TSBP1: variants seen among roughly 807,000 people sequenced by gnomAD.
The protein encoded by TSBP1 is testis-expressed basic protein 1.
In TSBP1, 56 loss-of-function variants were observed where a neutral mutation model predicts 68.8. The observed-to-expected ratio is 0.81, with a 90% CI of 0.66 to 1.02. The LOEUF is 1.02. Among genes scored for constraint, TSBP1 ranks in the 50% least tolerant of loss-of-function variants. TSBP1 has a pLI of 0.00. For missense variants in TSBP1, 502 were observed against 641.2 expected (o/e 0.78, Z 2.34); for synonymous variants, 171 against 208.7 (o/e 0.82, Z 1.56).
intron 8 of TSBP1, chr6:32,350,082 T>C (rs761189): frequency 0.39 from 242,368 of 629,264 alleles, 49,304 homozygotes; most frequent in African/African-American, 0.55. Flanking sequence ...CTTTCATTGG[T>C]GATTCTGCTG....
rs1770589990 is a variant in TSBP1, at chr6:32,343,349, C to T, written c.350-3711G>A. 1.3e-6 allele frequency: 1 copy of T among 748,874 alleles called. No individual in the cohort carries two copies. Among genetic ancestry groups the T allele is most frequent in the East Asian group, 3.3e-5 (1 of 30,070 alleles). 46.4% of individuals were successfully genotyped at this position (748,874 alleles called of 1,614,324 possible). On this transcript the variant is annotated intron_variant, in intron 9 of 22. Transcript: ENST00000612031. The surrounding 1 kb of genome is among the most constrained non-coding windows in gnomAD (Gnocchi z 4.3). ...TCTTCCCAGAAATAGTGTCCTCCCT[C>T]AGGTTATTAGACTTTCCATTCCCCT... is the stretch of plus-strand genomic sequence containing the variant.
chr6:32,353,349 C>T (rs1771915893), intron 8 of TSBP1, among the ~76,000 whole-genome samples: 1 of 151,754 alleles, frequency 6.6e-6, no homozygotes, highest in Admixed American at 6.6e-5. Context: ...ACATCCGAAA[C>T]AAAAAACAAG....
Position 32,325,198 on chromosome 6 carries a change from GTC to G in TSBP1, c.515-1586_515-1585del, listed in dbSNP as rs1768089135. 1 of 605,794 alleles carries G rather than the reference GTC, an allele frequency of 1.7e-6. No homozygotes were observed. Among genetic ancestry groups the G allele is most frequent in the Non-Finnish European group, 2.9e-6 (1 of 345,034 alleles). The allele number at this position is 605,794 out of a possible 1,614,324, so 37.5% of individuals were successfully genotyped here. A position where few individuals can be genotyped will look rare whatever the true frequency, so the allele number is the denominator to read the frequency against. On this transcript the variant is annotated intron_variant, in intron 16 of 22. Coordinates refer to ENST00000612031, the Ensembl canonical transcript of TSBP1. This position sits in a 1 kb window ranked among gnomAD's most constrained non-coding sequence, Gnocchi z 4.4. ...ATGCCATGGAAGAAGCATCATTAAA[GTC>G]TCTCTTCTCCTGGCCGTCTTATCTA...
At chr6:32,358,080 G>T (rs1317249538) in intron 6 of TSBP1, among the ~76,000 whole-genome samples, 1 of 152,158 alleles carries the variant, frequency 6.6e-6, no homozygotes, top group Non-Finnish European at 1.5e-5. Flanking sequence ...TGACAGGGTT[G>T]TTTGTAGATA....
chr6:32,324,277 A>G (rs1368025254), intron 16 of TSBP1: 1 of 290,748 alleles, frequency 3.4e-6, no homozygotes, highest in Non-Finnish European at 6.7e-6. Context: ...GAGACCAGAT[A>G]TGGCAGGAGG....
intron 21 of TSBP1, among the ~76,000 whole-genome samples, chr6:32,300,337 T>A (rs1429086775): frequency 1.3e-5 from 2 of 152,238 alleles, no homozygotes; most frequent in East Asian, 3.8e-4. Context: ...CTGACACATA[T>A]TCTTTTTGTC....
chr6:32,323,455 C>T, intron 17 of TSBP1, 136 bp downstream of exon 18: 1 of 798,720 alleles, frequency 1.3e-6, no homozygotes, highest in Non-Finnish European at 2.2e-6. Flanking sequence ...GAGCAGAAGG[C>T]AGAGGAAACT....
chr6:32,334,374 T>C (rs1769404130), intron 14 of TSBP1, among the ~76,000 whole-genome samples: 1 of 152,194 alleles, frequency 6.6e-6, no homozygotes, highest in Admixed American at 6.5e-5. Flanking sequence ...TTTACTACCC[T>C]TTAATCTCAA....
intron 9 of TSBP1, among the ~76,000 whole-genome samples, chr6:32,346,851 T>G (rs2127623281): frequency 7.6e-6 from 1 of 130,992 alleles, no homozygotes; most frequent in African/African-American, 2.5e-5. Flanking sequence ...TTTAAAAAAA[T>G]ACTGTATCTC....
intron 4 of TSBP1, 35 bp from the exon 5 acceptor site, chr6:32,366,337 C>T (rs775132835): frequency 6.4e-7 from 1 of 1,563,816 alleles, no homozygotes; most frequent in Admixed American, 1.7e-5. Flanking sequence ...TGAGATTTTA[C>T]TTCAACAAGT....
At chr6:32,370,119 T>A (rs1464071389) in intron 1 of TSBP1, 136 bp from the exon 2 acceptor site, 2 of 653,926 alleles carry the variant, frequency 3.1e-6, no homozygotes, top group Non-Finnish European at 5.5e-6. Context: ...TCCTTTATTC[T>A]TTTATTTGCC....
chr6:32,339,311 T>C (rs1770051471), intron 10 of TSBP1: 2 of 537,414 alleles, frequency 3.7e-6, no homozygotes, highest in East Asian at 6.1e-5. Flanking sequence ...GAATTTCCAC[T>C]TTGTTAAATG....
intron 9 of TSBP1, among the ~76,000 whole-genome samples, chr6:32,342,266 C>T (rs1770464770): frequency 6.6e-6 from 1 of 151,644 alleles, no homozygotes; most frequent in African/African-American, 2.4e-5. Flanking sequence ...CAGGTTCAAG[C>T]AATTCTCCTG....
chr6:32,369,799 T>C (rs1774184995), intron 2 of TSBP1, 98 bp downstream of exon 2: 3 of 820,918 alleles, frequency 3.7e-6, no homozygotes, highest in Non-Finnish European at 4.4e-6. Context: ...GCAAAGTCTC[T>C]AGCTGTTTGA....
intron 16 of TSBP1, among the ~76,000 whole-genome samples, chr6:32,328,045 C>T (rs1186333449): frequency 1.3e-5 from 2 of 151,842 alleles, no homozygotes; most frequent in Admixed American, 6.6e-5. Context: ...ACTTCGTGAT[C>T]TGCCCACCTT....
At chr6:32,318,469 C>G (rs1767214222) in intron 18 of TSBP1, among the ~76,000 whole-genome samples, 1 of 151,978 alleles carries the variant, frequency 6.6e-6, no homozygotes, top group African/African-American at 2.4e-5. Flanking sequence ...ATAAAGAAAG[C>G]AAGTTGATAC....
chr6:32,323,088 C>G lies in TSBP1; in HGVS notation c.559+29G>C, dbSNP rs755480226. 4 of 1,546,650 alleles carry G rather than the reference C, an allele frequency of 2.6e-6. 1 individual carries two copies. The South Asian group carries it at 4.6e-5, about 18-fold the overall frequency. The stretch of plus-strand genomic sequence containing the variant: ...TGAAATGAAGGGGACCATAGAGAAC[C>G]AAAGAAGAAAAAGAGATGTTATACT... On this transcript the variant is annotated intron_variant, in intron 18 of 22. Coordinates refer to ENST00000612031, the Ensembl canonical transcript of TSBP1.
At chr6:32,323,855 C>T in intron 16 of TSBP1, 2 of 548,026 alleles carry the variant, frequency 3.6e-6, no homozygotes, top group African/African-American at 1.9e-5. Flanking sequence ...GCCTGGAAAT[C>T]TTAGCTGTAC....
At chr6:32,363,701 TATTC>T (rs1773328712) in intron 6 of TSBP1, among the ~76,000 whole-genome samples, 1 of 152,026 alleles carries the variant, frequency 6.6e-6, no homozygotes, top group Non-Finnish European at 1.5e-5. Context: ...AAAAATTGTA[TATTC>T]ATTAACAAAT....
Sources: allele counts gnomAD v4.1 joint callset (sites outside exome capture counted in the v4.1 genomes callset), GRCh38; gene constraint gnomAD v4.1.1; non-coding constraint Gnocchi (gnomAD v3.1); transcripts MANE v1.5; gene names NCBI Gene and HGNC (gene_info 2026-07-23, HGNC 2026-07-21).